Variants in MYO16 observed in about 807,000 individuals in gnomAD.
MYO16 encodes unconventional myosin-XVI.
A neutral mutation model predicts 205.3 loss-of-function variants in MYO16; 94 were observed. The ratio of observed to expected loss-of-function variants is 0.46; its 90% CI spans 0.39 to 0.54. MYO16 has a LOEUF of 0.54. Among genes scored for constraint, MYO16 ranks in the 20% least tolerant of loss-of-function variants. The pLI is 0.00. For missense variants in MYO16, 2,315 were observed against 2,387.5 expected (o/e 0.97, Z 0.63); for synonymous variants, 988 against 954.0 (o/e 1.04, Z -0.66).
intron 16 of MYO16, among the ~76,000 whole-genome samples, chr13:108,913,566 C>G (rs183458464): frequency 1.3e-5 from 2 of 152,126 alleles, no homozygotes; most frequent in African/African-American, 4.8e-5. Flanking sequence ...GAAATGTAAA[C>G]CTGAATTTGC....
At chr13:109,138,994 A>G (rs1367562345) in intron 31 of MYO16, among the ~76,000 whole-genome samples, 1 of 151,658 alleles carries the variant, frequency 6.6e-6, no homozygotes, top group Non-Finnish European at 1.5e-5. Flanking sequence ...AATTTTTTGT[A>G]TTTTTAGTAG....
At chr13:108,645,243 T>G (rs1179113912) in intron 1 of MYO16, among the ~76,000 whole-genome samples, 1 of 152,246 alleles carries the variant, frequency 6.6e-6, no homozygotes, top group Admixed American at 6.5e-5. Flanking sequence ...CACATTTTCA[T>G]GCTACTTACA....
the MYO16 span, among the ~76,000 whole-genome samples, chr13:108,510,386 G>C: frequency 6.7e-6 from 1 of 149,820 alleles, no homozygotes; most frequent in East Asian, 2.0e-4. Flanking sequence ...CAAAGTGCTG[G>C]GATTACAGGC....
At chr13:108,596,684 G>A (rs1878575268) in intron 1 of MYO16, among the ~76,000 whole-genome samples, 1 of 152,092 alleles carries the variant, frequency 6.6e-6, no homozygotes, top group Admixed American at 6.6e-5. Flanking sequence ...TGCCTGTATG[G>A]TATGTGTCAT....
chr13:108,805,422 CA>C (rs1887083934), intron 6 of MYO16, among the ~76,000 whole-genome samples: 1 of 152,084 alleles, frequency 6.6e-6, no homozygotes. Flanking sequence ...TAGATTTTAT[CA>C]AAATGTACAC....
chr13:108,844,131 C>T (rs415123), intron 9 of MYO16, among the ~76,000 whole-genome samples: 148,189 of 152,234 alleles, frequency 0.97, 72,130 homozygotes, highest in East Asian at 1. Flanking sequence ...TAAGTATATA[C>T]TTTTTTCTTT....
chr13:109,158,936 C>T (rs1461285525), intron 32 of MYO16, among the ~76,000 whole-genome samples: 2 of 152,192 alleles, frequency 1.3e-5, no homozygotes, highest in Non-Finnish European at 2.9e-5. Flanking sequence ...TACGGGTCAA[C>T]CCACTGTGCC....
chr13:108,677,346 TATATATATGC>T lies in MYO16; in HGVS notation c.292+11206_292+11215del, dbSNP rs1172081511. The stretch of plus-strand genomic sequence containing the variant: ...GTGTGTGTGTGTGTGTATATATATA[TATATATATGC>T]ATATATATATATATATGCATATATA... On this transcript the variant is annotated intron_variant, in intron 2 of 34. Transcript: ENST00000457511. 6.5e-4 allele frequency among the ~76,000 whole-genome samples: 60 copies of T among 92,234 alleles called. 1 individual carries two copies. The highest frequency in any genetic ancestry group is 2.2e-3 in the African/African-American group (54 of 24,528). 60.5% of individuals were successfully genotyped at this position (92,234 alleles called of 152,430 possible).
intron 32 of MYO16, among the ~76,000 whole-genome samples, chr13:109,153,746 G>C (rs572603031): frequency 6.6e-6 from 1 of 152,104 alleles, no homozygotes; most frequent in Non-Finnish European, 1.5e-5. Context: ...GCGACAGGGC[G>C]AGACTCTGTC....
At chr13:109,180,638 T>C (rs1167528796) in intron 34 of MYO16, among the ~76,000 whole-genome samples, 1 of 152,218 alleles carries the variant, frequency 6.6e-6, no homozygotes, top group Non-Finnish European at 1.5e-5. Context: ...AGCTGAGATT[T>C]TTCTAAATAA....
intron 20 of MYO16, among the ~76,000 whole-genome samples, chr13:108,971,360 TATATA>T (rs1884003183): frequency 6.8e-6 from 1 of 146,806 alleles, no homozygotes; most frequent in Non-Finnish European, 1.5e-5. Context: ...TATATATATA[TATATA>T]TATATATATA....
Position 108,629,848 on chromosome 13 carries a change from T to A in MYO16, c.4T>A (p.Ser2Thr). M[S>T]HYHFIKCCCF... ...GATTCCTGTCTGAGATGGAAAGATG[T>A]CTCACTATCATTTTATCAAGTGCTG... Residue 2 changes from serine to threonine, a missense_variant, in exon 1 of 35, where the codon TCT becomes ACT. Physicochemically the swap from Ser to Thr is moderately conservative, Grantham distance 58. Coordinates refer to ENST00000457511, the MANE Select transcript of MYO16 (RefSeq NM_001198950.3). The A allele has an allele frequency of 6.5e-7, 1 of 1,529,606 alleles. No homozygotes were observed. Among genetic ancestry groups the A allele is most frequent in the Non-Finnish European group, 8.8e-7 (1 of 1,141,450 alleles). The allele number at this position is 1,529,606 out of a possible 1,614,324, so 94.8% of individuals were successfully genotyped here. A position where few individuals can be genotyped will look rare whatever the true frequency, so the allele number is the denominator to read the frequency against.
At chr13:108,901,436 T>G (rs1880702795) in intron 15 of MYO16, among the ~76,000 whole-genome samples, 1 of 152,152 alleles carries the variant, frequency 6.6e-6, no homozygotes, top group South Asian at 2.1e-4. Flanking sequence ...GGCCGACTCT[T>G]AGGGAAATTA....
At chr13:108,872,080 T>A (rs1418388005) in intron 12 of MYO16, among the ~76,000 whole-genome samples, 1 of 152,252 alleles carries the variant, frequency 6.6e-6, no homozygotes, top group Admixed American at 6.5e-5. Context: ...TCTAATTTTT[T>A]AATTCTGTAT....
chr13:108,716,604 A>G (rs1321827794), intron 3 of MYO16, among the ~76,000 whole-genome samples: 2 of 152,198 alleles, frequency 1.3e-5, no homozygotes, highest in African/African-American at 4.8e-5. Flanking sequence ...TGAAAAAGGC[A>G]ATGTAGCCAT....
intron 1 of MYO16, among the ~76,000 whole-genome samples, chr13:108,638,987 C>T (rs771228203): frequency 8.5e-4 from 130 of 152,052 alleles, no homozygotes; most frequent in Non-Finnish European, 2.4e-4. Context: ...GTTGTGACTG[C>T]GTAGTGCGTT....
chr13:108,510,435 TTTTTTTATATTTAACATTGATAGCTG>T, the MYO16 span, among the ~76,000 whole-genome samples: 17 of 138,236 alleles, frequency 1.2e-4, no homozygotes, highest in East Asian at 4.6e-4. Context: ...ATTTTTTTTT[TTTTTTTATATTTAACATTGATAGCTG>T]TTTTTTTTTT....
intron 2 of MYO16, among the ~76,000 whole-genome samples, chr13:108,689,911 G>A (rs1398477647): frequency 1.3e-5 from 2 of 152,190 alleles, no homozygotes; most frequent in Non-Finnish European, 2.9e-5. Flanking sequence ...AGTGGGAACT[G>A]TAGCATGTCA....
the MYO16 span, among the ~76,000 whole-genome samples, chr13:108,548,552 A>G: frequency 9.9e-4 from 148 of 148,746 alleles, no homozygotes; most frequent in Admixed American, 1.9e-3. Flanking sequence ...TGACAGTGAT[A>G]GGATAGGGTT....
Sources: gnomAD v4.1 joint callset for allele counts (sites outside exome capture counted in the v4.1 genomes callset) on GRCh38, gnomAD v4.1.1 for gene constraint, MANE v1.5 for transcripts, NCBI Gene and HGNC (gene_info 2026-07-23, HGNC 2026-07-21) for gene names.